Variants in CPED1 observed in about 807,000 individuals in gnomAD.
CPED1 encodes cadherin like and PC-esterase domain containing 1.
A neutral mutation model predicts 128.2 loss-of-function variants in CPED1; 114 were observed. That is an observed-to-expected ratio of 0.89 (90% CI 0.76 to 1.04). The LOEUF is 1.04. Among genes scored for constraint, CPED1 ranks in the 50% least tolerant of loss-of-function variants. The pLI, the probability that CPED1 is intolerant of heterozygous loss-of-function variation, is 0.00. For synonymous variants in CPED1, 462 were observed against 426.7 expected, an observed-to-expected ratio of 1.08 and a Z score of -1.02; for missense variants, 1,211 against 1,207.1, an observed-to-expected ratio of 1.00 and a Z score of -0.05.
At chr7:121,167,825 G>A (rs113919396) in intron 16 of CPED1, among the ~76,000 whole-genome samples, 43 of 149,196 alleles carry the variant, frequency 2.9e-4, no homozygotes, top group Non-Finnish European at 5.8e-4. Context: ...TCTGCCTCCC[G>A]GGTTCACGCC....
intron 16 of CPED1, among the ~76,000 whole-genome samples, chr7:121,210,643 G>A (rs1221228773): frequency 4.0e-5 from 6 of 151,840 alleles, no homozygotes; most frequent in South Asian, 4.2e-4. Flanking sequence ...GTAGAATAAT[G>A]GTTACCAGAG....
At chr7:121,253,150 A>T (rs1323327860) in intron 18 of CPED1, among the ~76,000 whole-genome samples, 2 of 152,012 alleles carry the variant, frequency 1.3e-5, no homozygotes, top group African/African-American at 4.8e-5. Flanking sequence ...TGATGAGTTC[A>T]TGTCCTTTGT....
chr7:121,119,695 G>A (rs922412072), intron 7 of CPED1, among the ~76,000 whole-genome samples: 13 of 151,662 alleles, frequency 8.6e-5, no homozygotes, highest in Non-Finnish European at 1.3e-4. Context: ...TACATGTAAC[G>A]TGAAATGTAT....
At chr7:121,039,489 T>C (rs1046732199) in intron 3 of CPED1, among the ~76,000 whole-genome samples, 2 of 152,044 alleles carry the variant, frequency 1.3e-5, no homozygotes, top group African/African-American at 4.8e-5. Context: ...TAAACCAACA[T>C]TTTGCACTGG....
chr7:121,035,889 C>A (rs777405267), intron 3 of CPED1, among the ~76,000 whole-genome samples: 2 of 150,130 alleles, frequency 1.3e-5, no homozygotes, highest in Non-Finnish European at 3.0e-5. Context: ...CGGGTCTTTT[C>A]GTGGGAGATA....
At chr7:121,155,720 G>T (rs1796268267) in intron 16 of CPED1, among the ~76,000 whole-genome samples, 1 of 152,088 alleles carries the variant, frequency 6.6e-6, no homozygotes, top group Admixed American at 6.6e-5. Context: ...ATGCAATAAA[G>T]GCTTAAATCT....
intron 7 of CPED1, among the ~76,000 whole-genome samples, chr7:121,114,661 C>T (rs756759688): frequency 6.6e-6 from 1 of 152,156 alleles, no homozygotes; most frequent in Non-Finnish European, 1.5e-5. Flanking sequence ...TAAGTCCATG[C>T]CTATGGGTAA....
intron 2 of CPED1, among the ~76,000 whole-genome samples, chr7:120,990,854 C>T (rs1413930694): frequency 1.3e-5 from 2 of 152,182 alleles, no homozygotes; most frequent in Non-Finnish European, 1.5e-5. Context: ...ACCAAAACCT[C>T]CACGATTGAC....
intron 3 of CPED1, among the ~76,000 whole-genome samples, chr7:121,039,387 C>T (rs1792986977): frequency 6.6e-6 from 1 of 152,020 alleles, no homozygotes; most frequent in African/African-American, 2.4e-5. Flanking sequence ...GACACTGCAA[C>T]AGTCTAAGCT....
At chr7:121,172,033 T>TA (rs1248230850) in intron 16 of CPED1, among the ~76,000 whole-genome samples, 3 of 152,100 alleles carry the variant, frequency 2.0e-5, no homozygotes, top group Non-Finnish European at 4.4e-5. Flanking sequence ...GACAGCTATA[T>TA]AAAAAAATAG....
chr7:121,200,395 C>T (rs1238068229), intron 16 of CPED1, among the ~76,000 whole-genome samples: 1 of 151,946 alleles, frequency 6.6e-6, no homozygotes, highest in Non-Finnish European at 1.5e-5. Context: ...CTTAATTGGT[C>T]GTGAAATTGT....
chr7:121,134,904 A>G lies in CPED1; in HGVS notation c.1648+1011A>G, dbSNP rs1375952364. Among the ~76,000 whole-genome samples, 6 of 152,152 alleles carry G rather than the reference A, an allele frequency of 3.9e-5. No individual in the cohort carries two copies. The East Asian group carries it at 1.2e-3, about 29-fold the overall frequency. On this transcript the variant is annotated intron_variant, in intron 13 of 22. Transcript: ENST00000310396. The stretch of plus-strand genomic sequence containing the variant: ...ACTTCTAAATGTTCATTTTAAGGAA[A>G]TAATATATACAAAATTTAATTACAT...
intron 2 of CPED1, among the ~76,000 whole-genome samples, chr7:121,012,266 T>C (rs1792177792): frequency 6.6e-6 from 1 of 152,218 alleles, no homozygotes; most frequent in African/African-American, 2.4e-5. Flanking sequence ...AAATAAAAAG[T>C]GTCCAGTTAT....
intron 5 of CPED1, among the ~76,000 whole-genome samples, chr7:121,088,883 T>C (rs1174614193): frequency 6.6e-6 from 1 of 151,434 alleles, no homozygotes; most frequent in Non-Finnish European, 1.5e-5. Context: ...TGGCTCAAAT[T>C]AATTGGATAA....
At chr7:121,235,151 T>G (rs1486710780) in intron 16 of CPED1, among the ~76,000 whole-genome samples, 1 of 152,096 alleles carries the variant, frequency 6.6e-6, no homozygotes, top group East Asian at 1.9e-4. Context: ...TTATAAAAGA[T>G]CCAGTCTCCA....
At chr7:121,186,880 A>G (rs971966878) in intron 16 of CPED1, among the ~76,000 whole-genome samples, 1 of 152,204 alleles carries the variant, frequency 6.6e-6, no homozygotes, top group African/African-American at 2.4e-5. Context: ...ACATATATCC[A>G]TTGTGCTGGG....
At chr7:121,024,490 ATTGT>A (rs1430479793) in intron 3 of CPED1, among the ~76,000 whole-genome samples, 1 of 152,122 alleles carries the variant, frequency 6.6e-6, no homozygotes, top group Non-Finnish European at 1.5e-5. Flanking sequence ...CTTCCTTCTA[ATTGT>A]TTGATCTTTT....
intron 2 of CPED1, among the ~76,000 whole-genome samples, chr7:120,996,169 A>G (rs1184401486): frequency 6.6e-6 from 1 of 152,062 alleles, no homozygotes; most frequent in Non-Finnish European, 1.5e-5. Context: ...GGAGCCCCCC[A>G]GCTACTCGAG....
intron 4 of CPED1, among the ~76,000 whole-genome samples, chr7:121,055,604 A>G (rs975621277): frequency 6.7e-6 from 1 of 150,168 alleles, no homozygotes; most frequent in Non-Finnish European, 1.5e-5. Context: ...TAATTATGAT[A>G]TAATTATACA....
Sources: gnomAD v4.1 joint callset for allele counts (sites outside exome capture counted in the v4.1 genomes callset) on GRCh38, gnomAD v4.1.1 for gene constraint, MANE v1.5 for transcripts, NCBI Gene and HGNC (gene_info 2026-07-23, HGNC 2026-07-21) for gene names.